The following PLEKHH3 variants were observed in gnomAD, a reference collection of about 807,000 sequenced individuals.
PLEKHH3 encodes pleckstrin homology domain-containing family H member 3.
A neutral mutation model predicts 77.8 loss-of-function variants in PLEKHH3; 57 were observed. The ratio of observed to expected loss-of-function variants is 0.73; its 90% CI spans 0.59 to 0.91. The LOEUF (loss-of-function observed/expected upper bound fraction) is 0.91, where lower values mean the gene tolerates loss of function less well. Among genes scored for constraint, PLEKHH3 ranks in the 40% least tolerant of loss-of-function variants. PLEKHH3 has a pLI of 0.00. For missense variants in PLEKHH3, 1,082 were observed against 1,091.2 expected, an observed-to-expected ratio of 0.99 and a Z score of 0.12; for synonymous variants, 467 against 504.8, an observed-to-expected ratio of 0.93 and a Z score of 1.00.
chr17:42,669,252 C>T lies in PLEKHH3; in HGVS notation c.2205+178G>A, dbSNP rs1567955150. On this transcript the variant is annotated intron_variant, in intron 12 of 12. Coordinates refer to ENST00000591022, the MANE Select transcript of PLEKHH3 (RefSeq NM_024927.5). ...TAGCATTTCTCACTGTCTTCATAGCCTGGGATTCCTTGTTTATTGTCTGAC... is the reference window on the plus strand; with the variant it reads ...TAGCATTTCTCACTGTCTTCATAGCTTGGGATTCCTTGTTTATTGTCTGAC... 5.9e-6 allele frequency: 3 copies of T among 512,484 alleles called. No homozygotes were observed. In the East Asian group the frequency reaches 1.0e-4, roughly 18 times the overall value. The allele number at this position is 512,484 out of a possible 1,614,324, so 31.7% of individuals were successfully genotyped here.
At chr17:42,669,819 G>T in intron 11 of PLEKHH3, 99 bp downstream of exon 11, 2 of 1,555,110 alleles carry the variant, frequency 1.3e-6, no homozygotes, top group South Asian at 1.2e-5. Context: ...AGCTGTTCTG[G>T]ATGTGGGGAA....
chr17:42,676,651 G>C lies in PLEKHH3; in HGVS notation c.-88C>G, dbSNP rs1335337755. The stretch of plus-strand genomic sequence containing the variant: ...AACTGGCGGGGCTCCGACCCGAGCA[G>C]GGGAAAGATGAGGTGGGAGGAGCAG... On this transcript the variant is annotated 5_prime_UTR_variant, in exon 1 of 13. Coordinates refer to ENST00000591022, the MANE Select transcript of PLEKHH3 (RefSeq NM_024927.5). The surrounding 1 kb of genome is among the most constrained non-coding windows in gnomAD (Gnocchi z 6.6). 2 of 1,295,476 alleles carry C rather than the reference G, an allele frequency of 1.5e-6. No homozygotes were observed. The highest frequency in any genetic ancestry group is 2.2e-6 in the Non-Finnish European group (2 of 929,938). The allele number at this position is 1,295,476 out of a possible 1,614,324, so 80.2% of individuals were successfully genotyped here.
At position 42,673,912 on chromosome 17, in the gene PLEKHH3, G is replaced by T. The variant is rs776337714; in HGVS notation, c.298+22C>A. The T allele has an allele frequency of 6.2e-6, 10 of 1,612,746 alleles. No homozygotes were observed. In the South Asian group the frequency reaches 1.1e-4, roughly 18 times the overall value. On this transcript the variant is annotated intron_variant, in intron 3 of 12. Coordinates refer to ENST00000591022, the MANE Select transcript of PLEKHH3 (RefSeq NM_024927.5). ...GGGGTTGGGATTGGGGGCCTCCAGA[G>T]TGCACTGAGGGGGGTCTCTACCTTT...
Position 42,676,298 on chromosome 17 carries a change from G to A in PLEKHH3, c.162+104C>T. The A allele has an allele frequency of 1.9e-6, 3 of 1,547,658 alleles. No homozygotes were observed. The highest frequency in any genetic ancestry group is 1.4e-5 in the African/African-American group (1 of 73,174). On this transcript the variant is annotated intron_variant, in intron 1 of 12. Coordinates refer to ENST00000591022, the MANE Select transcript of PLEKHH3 (RefSeq NM_024927.5). The surrounding 1 kb of genome is among the most constrained non-coding windows in gnomAD (Gnocchi z 6.6). ...GGCAAAAAACTCTCCCTCATCCCTA[G>A]TTCGCCAAGCGCGCAGCGTGTGGCT...
chr17:42,669,743 G>T, intron 11 of PLEKHH3, 122 bp from the exon 12 acceptor site: 1 of 1,457,040 alleles, frequency 6.9e-7, no homozygotes, highest in Non-Finnish European at 9.3e-7. Context: ...CACGTGTGTG[G>T]AGGGGGCTGA....
At chr17:42,670,800 G>A in intron 9 of PLEKHH3, 95 bp from the exon 10 acceptor site, 1 of 1,521,962 alleles carries the variant, frequency 6.6e-7, no homozygotes, top group Non-Finnish European at 8.9e-7. Flanking sequence ...TTTGGGGCGG[G>A]GCCTGGGCGG....
At chr17:42,670,806 G>T in intron 9 of PLEKHH3, 101 bp from the exon 10 acceptor site, 1 of 1,521,610 alleles carries the variant, frequency 6.6e-7, no homozygotes, top group Non-Finnish European at 8.9e-7. Flanking sequence ...GCGGGGCCTG[G>T]GCGGAGCCGA....
rs375364412 is a variant in PLEKHH3, at chr17:42,673,862, C to T, written c.299-28G>A. 4 of 1,607,488 alleles carry T rather than the reference C, an allele frequency of 2.5e-6. No homozygotes were observed. The African/African-American group carries it at 5.4e-5, about 22-fold the overall frequency. On this transcript the variant is annotated intron_variant, in intron 3 of 12. Coordinates refer to ENST00000591022, the MANE Select transcript of PLEKHH3 (RefSeq NM_024927.5). ...GGGGGCCGGAGAGGGAGGGAAGGGA[C>T]ATCAGTAGAGACATTAATCCCTAGG...
rs2052673932 is a variant in PLEKHH3, at chr17:42,670,624, G to C, written c.1503C>G (p.His501Gln). 6.2e-7 allele frequency: 1 copy of C among 1,613,042 alleles called. No homozygotes were observed. The highest frequency in any genetic ancestry group is 8.5e-7 in the Non-Finnish European group (1 of 1,179,888). The change falls in exon 10 of 13, where the codon CAC becomes CAG. Residue 501 changes from histidine to glutamine, a missense_variant. Physicochemically the swap from His to Gln is conservative, Grantham distance 24 (BLOSUM62 0). Around this residue, in one of 3 missense-constraint regions of PLEKHH3, gnomAD observed 733 missense variants for 750.0 expected, o/e 0.98. Transcript: ENST00000591022. Reference sequence around the variant, plus strand: ...GACCGTCTGGGGACAGCCCCTCAGGGTGCAGAGGTCCGTGAAGACGCAGAC... The same window carrying C: ...GACCGTCTGGGGACAGCCCCTCAGGCTGCAGAGGTCCGTGAAGACGCAGAC... Reference protein sequence around the residue: ...RLCLRLHGPLHPEGLSPDGHE... With the variant: ...RLCLRLHGPLQPEGLSPDGHE...
In PLEKHH3 at chr17:42,671,568, G is replaced by T; in HGVS notation, c.1077-10C>A. 6.2e-7 allele frequency: 1 copy of T among 1,602,614 alleles called. No homozygotes were observed. The highest frequency in any genetic ancestry group is 8.5e-7 in the Non-Finnish European group (1 of 1,174,464). Reference sequence around the variant, plus strand: ...GAGTGCCTGCTCGGTCCTGGGTTAGGAGGAACCCAGGGATCAATACTCCAA... The same window carrying T: ...GAGTGCCTGCTCGGTCCTGGGTTAGTAGGAACCCAGGGATCAATACTCCAA... On this transcript the variant is annotated splice_polypyrimidine_tract_variant and intron_variant, in intron 7 of 12. Transcript: ENST00000591022. The surrounding 1 kb of genome is among the most constrained non-coding windows in gnomAD (Gnocchi z 4.7).
In PLEKHH3 at chr17:42,671,970, G is replaced by A. The variant is rs1354801768; in HGVS notation, c.1076+116C>T. The A allele has an allele frequency of 7.1e-6, 6 of 841,812 alleles. No individual in the cohort carries two copies. The Admixed American group carries it at 9.4e-5, about 13-fold the overall frequency. The allele number at this position is 841,812 out of a possible 1,614,324, so 52.1% of individuals were successfully genotyped here. On this transcript the variant is annotated intron_variant, in intron 7 of 12. Transcript: ENST00000591022. This position sits in a 1 kb window ranked among gnomAD's most constrained non-coding sequence, Gnocchi z 4.7. Reference sequence around the variant, plus strand: ...ATAGGATCTTGTATCTCCCACAAAGGCACTGTATGTATTACTCGGTTCTTT... The same window carrying A: ...ATAGGATCTTGTATCTCCCACAAAGACACTGTATGTATTACTCGGTTCTTT...
chr17:42,671,252 C>T lies in PLEKHH3; in HGVS notation c.1284+99G>A. ...CCACTCCCTCCCTTACCAAAATAAT[C>T]TAGACTCGGGGCAAACCTAGGGTCC... On this transcript the variant is annotated intron_variant, in intron 8 of 12. Transcript: ENST00000591022. This position sits in a 1 kb window ranked among gnomAD's most constrained non-coding sequence, Gnocchi z 4.7. 6.5e-7 allele frequency: 1 copy of T among 1,534,042 alleles called. No homozygotes were observed. The highest frequency in any genetic ancestry group is 8.8e-7 in the Non-Finnish European group (1 of 1,134,428).
rs1175259209 is a variant in PLEKHH3 at position 42,671,439 on chromosome 17, C to T, written c.1196G>A (p.Ser399Asn). The T allele has an allele frequency of 1.2e-6, 2 of 1,613,098 alleles. No individual in the cohort carries two copies. Among genetic ancestry groups the T allele is most frequent in the African/African-American group, 2.7e-5 (2 of 74,948 alleles). The change falls in exon 8 of 13, where the codon AGC becomes AAC. Residue 399 changes from serine to asparagine, a missense_variant. This residue lies in a region of PLEKHH3 where 733 missense variants were observed against 750.0 expected (regional missense o/e 0.98). Coordinates refer to ENST00000591022, the MANE Select transcript of PLEKHH3 (RefSeq NM_024927.5). This position sits in a 1 kb window ranked among gnomAD's most constrained non-coding sequence, Gnocchi z 4.7. The stretch of plus-strand genomic sequence containing the variant: ...GGTACACAGCAGCTCCTGCCGTTGG[C>T]TCAACGCGGAAATCTCCGCCAGCGA... ...VPSLAEISALSQRQELLCTVH... is the reference protein window; with the variant it reads ...VPSLAEISALNQRQELLCTVH...
At chr17:42,668,942 G>A (rs2052622838) in intron 12 of PLEKHH3, 1 of 152,630 alleles carries the variant, frequency 6.6e-6, no homozygotes, top group Non-Finnish European at 1.5e-5. Context: ...AGCTTCCCGA[G>A]TAGCTGGGAC....
intron 6 of PLEKHH3, among the ~76,000 whole-genome samples, chr17:42,672,872 G>T (rs905754746): frequency 6.6e-6 from 1 of 152,148 alleles, no homozygotes; most frequent in Non-Finnish European, 1.5e-5. Flanking sequence ...TCTACCACTT[G>T]TAAAGGTAAT....
chr17:42,668,143 C>G lies in PLEKHH3; in HGVS notation c.2366G>C (p.Gly789Ala). Reference protein sequence around the residue: ...DEPQGQSGCLGQLQD With the variant: ...DEPQGQSGCLAQLQD ...TTGGCAGGCTCAGTCCTGCAGCTGC[C>G]CCAAGCAGCCAGACTGTCCCTGGGG... Residue 789 changes from glycine (G) to alanine (A), a missense_variant, in exon 13 of 13, where the codon GGG (glycine) becomes GCG (alanine). Physicochemically the swap from Gly to Ala is moderately conservative, Grantham distance 60 (BLOSUM62 0). Transcript: ENST00000591022. 6.8e-7 allele frequency: 1 copy of G among 1,460,956 alleles called. No individual in the cohort carries two copies. The highest frequency in any genetic ancestry group is 1.5e-5 in the African/African-American group (1 of 68,250). The allele number at this position is 1,460,956 out of a possible 1,614,324, so 90.5% of individuals were successfully genotyped here. A position where few individuals can be genotyped will look rare whatever the true frequency, so the allele number is the denominator to read the frequency against.
chr17:42,676,267 C>T lies in PLEKHH3; in HGVS notation c.162+135G>A, dbSNP rs1027394882. On this transcript the variant is annotated intron_variant, in intron 1 of 12. Transcript: ENST00000591022. The surrounding 1 kb of genome is among the most constrained non-coding windows in gnomAD (Gnocchi z 6.6). ...CTCCGAGAGCTCCCGGGGGCTTTGGCCCCCAGGCAAAAAACTCTCCCTCAT... is the reference window on the plus strand; with the variant it reads ...CTCCGAGAGCTCCCGGGGGCTTTGGTCCCCAGGCAAAAAACTCTCCCTCAT... 1.2e-5 allele frequency: 18 copies of T among 1,457,990 alleles called. No individual in the cohort carries two copies. The Middle Eastern group carries it at 7.4e-4, about 60-fold the overall frequency. 90.3% of individuals were successfully genotyped at this position (1,457,990 alleles called of 1,614,324 possible).
In PLEKHH3 at chr17:42,670,384, G is replaced by T; in HGVS notation, c.1555-8C>A. The T allele has an allele frequency of 2.8e-6, 4 of 1,442,442 alleles. No individual in the cohort carries two copies. The South Asian group carries it at 5.8e-5, about 21-fold the overall frequency. The allele number at this position is 1,442,442 out of a possible 1,614,324, so 89.4% of individuals were successfully genotyped here. A position where few individuals can be genotyped will look rare whatever the true frequency, so the allele number is the denominator to read the frequency against. ...CAGCAGCAGAGCGTGAGCCTGCAGG[G>T]GAGGCACCCGGCGTCAGTGTACGAG... On this transcript the variant is annotated splice_polypyrimidine_tract_variant and splice_region_variant and intron_variant, in intron 10 of 12. Coordinates refer to ENST00000591022, the MANE Select transcript of PLEKHH3 (RefSeq NM_024927.5).
chr17:42,675,471 C>G (rs1487432904), intron 1 of PLEKHH3, among the ~76,000 whole-genome samples: 3 of 152,166 alleles, frequency 2.0e-5, no homozygotes, highest in Non-Finnish European at 4.4e-5. Context: ...TGACCACCCT[C>G]TTAGGCTAAC....
Sources: gnomAD v4.1 joint callset for allele counts (sites outside exome capture counted in the v4.1 genomes callset) on GRCh38, gnomAD v4.1.1 for gene constraint, gnomAD v4.1.1 regional missense constraint, Gnocchi (gnomAD v3.1) non-coding constraint, MANE v1.5 for transcripts, NCBI Gene and HGNC (gene_info 2026-07-23, HGNC 2026-07-21) for gene names.